The following MAGI1 variants were observed in gnomAD, a reference collection of about 807,000 sequenced individuals.
MAGI1 encodes membrane-associated guanylate kinase, WW and PDZ domain-containing protein 1.
A neutral mutation model predicts 139.9 loss-of-function variants in MAGI1; 58 were observed. That is an observed-to-expected ratio of 0.41 (90% CI 0.34 to 0.52). The LOEUF (loss-of-function observed/expected upper bound fraction) is 0.52, where lower values mean the gene tolerates loss of function less well. Among genes scored for constraint, MAGI1 ranks in the 20% least tolerant of loss-of-function variants. The pLI, the probability that MAGI1 is intolerant of heterozygous loss-of-function variation, is 0.12. For synonymous variants in MAGI1, 812 were observed against 737.9 expected, an observed-to-expected ratio of 1.10 and a Z score of -1.63; for missense variants, 1,874 against 1,901.6, an observed-to-expected ratio of 0.99 and a Z score of 0.27.
intron 1 of MAGI1, among the ~76,000 whole-genome samples, chr3:65,727,903 A>T (rs2033787607): frequency 6.6e-6 from 1 of 152,212 alleles, no homozygotes; most frequent in East Asian, 1.9e-4. Flanking sequence ...ATGATATATC[A>T]ATCCGGGTGA....
At chr3:65,766,237 G>A (rs543093485) in intron 1 of MAGI1, among the ~76,000 whole-genome samples, 12 of 152,056 alleles carry the variant, frequency 7.9e-5, no homozygotes, top group Non-Finnish European at 1.2e-4. Flanking sequence ...CTCAGAAATC[G>A]GGAGTTTAAT....
chr3:65,469,914 T>A (rs1202370349), intron 5 of MAGI1: 2 of 147,352 alleles, frequency 1.4e-5, no homozygotes, highest in African/African-American at 2.5e-5. Flanking sequence ...ATATTTATTT[T>A]TAAATATATT....
chr3:65,678,210 T>C (rs2087324078), intron 1 of MAGI1, among the ~76,000 whole-genome samples: 1 of 151,930 alleles, frequency 6.6e-6, no homozygotes, highest in African/African-American at 2.4e-5. Flanking sequence ...TTAGGAGAAA[T>C]ACCTAATGTA....
intron 2 of MAGI1, among the ~76,000 whole-genome samples, chr3:65,515,061 A>G (rs1476015293): frequency 7.0e-6 from 1 of 143,438 alleles, no homozygotes; most frequent in Non-Finnish European, 1.5e-5. Context: ...TCGCAAGAGC[A>G]AAAAACCAAA....
At chr3:65,363,943 A>G (rs1310224786) in intron 20 of MAGI1, among the ~76,000 whole-genome samples, 1 of 152,158 alleles carries the variant, frequency 6.6e-6, no homozygotes, top group East Asian at 1.9e-4. Context: ...CCTGTGTCCA[A>G]TAAATGCTGG....
intron 1 of MAGI1, among the ~76,000 whole-genome samples, chr3:65,816,385 A>ACATTT (rs1160604875): frequency 1.3e-5 from 2 of 152,224 alleles, no homozygotes; most frequent in Non-Finnish European, 1.5e-5. Context: ...GATGAATTTT[A>ACATTT]CATTTCATTT....
intron 2 of MAGI1, among the ~76,000 whole-genome samples, chr3:65,583,724 G>A (rs2081543899): frequency 6.6e-6 from 1 of 152,096 alleles, no homozygotes; most frequent in African/African-American, 2.4e-5. Flanking sequence ...AAATGAGGCT[G>A]AAGAAGAATA....
chr3:65,381,780 G>C, intron 16 of MAGI1, 97 bp downstream of exon 16: 2 of 1,171,342 alleles, frequency 1.7e-6, no homozygotes, highest in Non-Finnish European at 2.4e-6. Context: ...GCAAACATTT[G>C]CTAAAATAGA....
chr3:65,996,295 G>A (rs2066444093), intron 1 of MAGI1, among the ~76,000 whole-genome samples: 1 of 151,978 alleles, frequency 6.6e-6, no homozygotes, highest in Admixed American at 6.6e-5. Flanking sequence ...AACACAATAA[G>A]CTCTCAATAA....
At chr3:65,362,026 G>C (rs962444649) in intron 21 of MAGI1, among the ~76,000 whole-genome samples, 1 of 152,190 alleles carries the variant, frequency 6.6e-6, no homozygotes, top group Admixed American at 6.5e-5. Flanking sequence ...TAAATAAGAC[G>C]AGGCAGATCC....
chr3:65,413,482 T>C (rs202177574), intron 12 of MAGI1, among the ~76,000 whole-genome samples: 1 of 152,184 alleles, frequency 6.6e-6, no homozygotes, highest in East Asian at 1.9e-4. Context: ...CCAAAGAGCA[T>C]GGACATACAG....
At chr3:65,450,568 G>A (rs1338048440) in intron 6 of MAGI1, among the ~76,000 whole-genome samples, 3 of 152,114 alleles carry the variant, frequency 2.0e-5, no homozygotes, top group African/African-American at 7.2e-5. Context: ...AGTTTTAATG[G>A]TTTTAATACG....
Position 65,950,094 on chromosome 3 carries a change from CAA to C in MAGI1, c.313+87900_313+87901del, listed in dbSNP as rs869135888. On this transcript the variant is annotated intron_variant, in intron 1 of 22. Transcript: ENST00000402939. ...AAAAAAAAACAAAAAAAAAAACAAA[CAA>C]AAAAAAAAAACAGAACTAGCAATAT... is the stretch of plus-strand genomic sequence containing the variant. 0.02 allele frequency among the ~76,000 whole-genome samples: 969 copies of C among 47,824 alleles called. 58 individuals carry two copies. The East Asian group carries it at 0.24, about 12-fold the overall frequency. 31.4% of individuals were successfully genotyped at this position (47,824 alleles called of 152,430 possible).
chr3:66,038,074 A>C lies in MAGI1; in HGVS notation c.235T>G (p.Ser79Ala). Residue 79 changes from serine (S) to alanine (A), a missense_variant, in exon 1 of 23, where the codon TCC (serine) becomes GCC (alanine). By Grantham distance (99) the Ser-to-Ala change is moderately conservative. Coordinates refer to ENST00000402939, the MANE Select transcript of MAGI1 (RefSeq NM_001033057.2). ...AGCACGTCATAGCGGGGCAAGCCGG[A>C]CACCCGGACCCCCTGCACCTCCAGA... Reference protein sequence around the residue: ...LLLEVQGVRVSGLPRYDVLGV... With the variant: ...LLLEVQGVRVAGLPRYDVLGV... The C allele has an allele frequency of 6.2e-7, 1 of 1,612,832 alleles. No individual in the cohort carries two copies. The highest frequency in any genetic ancestry group is 8.5e-7 in the Non-Finnish European group (1 of 1,179,608).
intron 14 of MAGI1, chr3:65,387,268 T>C: frequency 7.0e-7 from 1 of 1,432,070 alleles, no homozygotes. Context: ...TTAATGTACA[T>C]TCTTTCTCTT....
At chr3:65,530,702 C>CATAT (rs1241588923) in intron 2 of MAGI1, among the ~76,000 whole-genome samples, 3 of 118,596 alleles carry the variant, frequency 2.5e-5, no homozygotes, top group Non-Finnish European at 1.7e-5. Flanking sequence ...TATATATACA[C>CATAT]ATATACACGT....
At chr3:65,682,095 A>G (rs942073875) in intron 1 of MAGI1, among the ~76,000 whole-genome samples, 2 of 152,216 alleles carry the variant, frequency 1.3e-5, no homozygotes, top group Non-Finnish European at 2.9e-5. Context: ...AGGAAAAAAG[A>G]AAAAATTCCC....
chr3:65,530,515 A>T (rs1449097968), intron 2 of MAGI1, among the ~76,000 whole-genome samples: 1 of 150,764 alleles, frequency 6.6e-6, no homozygotes, highest in Non-Finnish European at 1.5e-5. Context: ...TACTGGAGAG[A>T]CTGAGGTGGG....
At chr3:65,671,178 C>A (rs2086835139) in intron 1 of MAGI1, among the ~76,000 whole-genome samples, 1 of 152,114 alleles carries the variant, frequency 6.6e-6, no homozygotes, top group Admixed American at 6.6e-5. Flanking sequence ...ATTATGTTGC[C>A]TAGTACTACA....
Sources: gnomAD v4.1 joint callset for allele counts (sites outside exome capture counted in the v4.1 genomes callset) on GRCh38, gnomAD v4.1.1 for gene constraint, MANE v1.5 for transcripts, NCBI Gene and HGNC (gene_info 2026-07-23, HGNC 2026-07-21) for gene names.